The following DCHS2 variants were observed in gnomAD, a reference collection of about 807,000 sequenced individuals.
DCHS2 encodes protocadherin-23.
Under a neutral mutation model 182.4 loss-of-function variants are expected in DCHS2, and 142 were observed. That is an observed-to-expected ratio of 0.78 (90% confidence interval 0.68 to 0.89). DCHS2 has a LOEUF of 0.89. DCHS2 is among the 40% of genes least tolerant of loss of function. The probability of loss-of-function intolerance (pLI) is 0.00; values close to 1 mark genes in which losing one functional copy is unlikely to be tolerated. For synonymous variants in DCHS2, 1,740 were observed against 1,663.3 expected (o/e 1.05, Z -1.12); for missense variants, 4,319 against 4,198.6 (o/e 1.03, Z -0.79).
chr4:154,346,026 C>T (rs1227013656), intron 3 of DCHS2, among the ~76,000 whole-genome samples: 2 of 152,196 alleles, frequency 1.3e-5, no homozygotes, highest in Admixed American at 6.5e-5. Context: ...TTCTTGTATA[C>T]TCACATGGCA....
intron 2 of DCHS2, among the ~76,000 whole-genome samples, chr4:154,376,241 T>C (rs1730886109): frequency 6.6e-6 from 1 of 152,222 alleles, no homozygotes; most frequent in East Asian, 1.9e-4. Context: ...ATTTTATATG[T>C]CAATTAAAAA....
chr4:154,256,465 C>G (rs181985149), intron 15 of DCHS2, among the ~76,000 whole-genome samples: 1 of 152,184 alleles, frequency 6.6e-6, no homozygotes, highest in Admixed American at 6.5e-5. Flanking sequence ...GATCATTAAA[C>G]AAGTGAAACA....
intron 1 of DCHS2, among the ~76,000 whole-genome samples, chr4:154,430,233 C>A (rs1342391708): frequency 6.6e-6 from 1 of 152,182 alleles, no homozygotes; most frequent in Non-Finnish European, 1.5e-5. Context: ...TCATAAAATG[C>A]TCTTTTTTCA....
intron 2 of DCHS2, among the ~76,000 whole-genome samples, chr4:154,367,282 A>T (rs906355225): frequency 1.3e-5 from 2 of 152,130 alleles, no homozygotes; most frequent in Non-Finnish European, 2.9e-5. Flanking sequence ...TTCAGAACAG[A>T]CCGAAGAGCA....
At chr4:154,385,869 T>C (rs1731389857) in intron 1 of DCHS2, among the ~76,000 whole-genome samples, 1 of 152,024 alleles carries the variant, frequency 6.6e-6, no homozygotes, top group Admixed American at 6.6e-5. Flanking sequence ...ACTCCCTGAG[T>C]GGTCTGACCA....
chr4:154,466,444 C>T (rs1735242767), intron 1 of DCHS2, among the ~76,000 whole-genome samples: 2 of 152,154 alleles, frequency 1.3e-5, no homozygotes, highest in Admixed American at 1.3e-4. Flanking sequence ...CCTAAAGAAC[C>T]CATCACTTTA....
Position 154,332,994 on chromosome 4 carries a change from C to A in DCHS2, c.3214G>T (p.Val1072Phe), listed in dbSNP as rs74422312. Residue 1072 changes from valine to phenylalanine, a missense_variant, in exon 5 of 20, where the codon GTT (valine) becomes TTT (phenylalanine). Transcript: ENST00000357232. ...GGGCTGTGTTCGCGTTTCTCGATAA[C>A]GACTGTCAGCACCAGCAGGGCTGCC... The part of the protein sequence containing the change: ...PQAALLVLTV[V>F]IEKREHSPSW... 336 of 1,614,172 alleles carry A rather than the reference C, an allele frequency of 2.1e-4. 1 individual carries two copies. In the African/African-American group the frequency reaches 4.0e-3, roughly 19 times the overall value.
At chr4:154,446,230 C>A (rs1253054592) in intron 1 of DCHS2, among the ~76,000 whole-genome samples, 1 of 152,100 alleles carries the variant, frequency 6.6e-6, no homozygotes, top group Non-Finnish European at 1.5e-5. Flanking sequence ...AAAGAGGTTG[C>A]CTTTAAGGCT....
chr4:154,479,234 G>A (rs1735816709), intron 1 of DCHS2, among the ~76,000 whole-genome samples: 1 of 152,012 alleles, frequency 6.6e-6, no homozygotes, highest in Non-Finnish European at 1.5e-5. Context: ...ACATGACAGT[G>A]AATTTGAAAA....
intron 1 of DCHS2, among the ~76,000 whole-genome samples, chr4:154,422,910 C>G (rs1389718150): frequency 1.3e-5 from 2 of 152,204 alleles, no homozygotes; most frequent in African/African-American, 4.8e-5. Flanking sequence ...AAGAAACCTG[C>G]CTGTCCAGGC....
At chr4:154,347,596 C>T (rs1729418553) in intron 3 of DCHS2, among the ~76,000 whole-genome samples, 1 of 151,788 alleles carries the variant, frequency 6.6e-6, no homozygotes, top group East Asian at 1.9e-4. Flanking sequence ...CTGACATATA[C>T]TGACTCCTTA....
intron 5 of DCHS2, 92 bp from the exon 6 acceptor site, chr4:154,329,802 C>T: frequency 1.6e-6 from 2 of 1,219,830 alleles, no homozygotes; most frequent in Non-Finnish European, 2.3e-6. Context: ...AAGTACAAAG[C>T]TTTGAGCAAA....
chr4:154,254,312 C>T (rs1732538172), intron 16 of DCHS2, among the ~76,000 whole-genome samples: 1 of 152,146 alleles, frequency 6.6e-6, no homozygotes, highest in Non-Finnish European at 1.5e-5. Flanking sequence ...CAGAAGCATT[C>T]TCAATATGCG....
intron 1 of DCHS2, among the ~76,000 whole-genome samples, chr4:154,407,613 G>T (rs1732455453): frequency 6.6e-6 from 1 of 152,154 alleles, no homozygotes; most frequent in Admixed American, 6.5e-5. Context: ...AGTCCTGGTT[G>T]CTTTCTGTCA....
chr4:154,322,771 T>C (rs1414680011), intron 7 of DCHS2: 2 of 323,910 alleles, frequency 6.2e-6, no homozygotes, highest in Non-Finnish European at 1.1e-5. Flanking sequence ...TTATTTCATC[T>C]ATTCCCCATG....
At chr4:154,262,360 TA>T (rs748426384) in intron 14 of DCHS2, among the ~76,000 whole-genome samples, 7 of 152,212 alleles carry the variant, frequency 4.6e-5, no homozygotes, top group Non-Finnish European at 8.8e-5. Flanking sequence ...TTTCCTTGGA[TA>T]ATACATGGGT....
At chr4:154,280,438 C>G (rs1156618643) in intron 13 of DCHS2, among the ~76,000 whole-genome samples, 1 of 152,042 alleles carries the variant, frequency 6.6e-6, no homozygotes, top group Non-Finnish European at 1.5e-5. Flanking sequence ...TTCTTCAGAC[C>G]AATCTCCCTG....
intron 5 of DCHS2, 139 bp downstream of exon 5, chr4:154,332,339 C>T: frequency 1.6e-6 from 1 of 641,722 alleles, no homozygotes; most frequent in Admixed American, 3.1e-5. Context: ...TGCATGTATG[C>T]ACTAATGCTA....
chr4:154,378,520 A>AAGGAAGGAAG (rs1579025517), intron 1 of DCHS2, among the ~76,000 whole-genome samples: 9 of 64,094 alleles, frequency 1.4e-4, no homozygotes, highest in Non-Finnish European at 2.6e-4. Flanking sequence ...AAGGAAGGAA[A>AAGGAAGGAAG]GAAGGAAGGA....
Sources: gnomAD v4.1 joint callset for allele counts (sites outside exome capture counted in the v4.1 genomes callset) on GRCh38, gnomAD v4.1.1 for gene constraint, MANE v1.5 for transcripts, NCBI Gene and HGNC (gene_info 2026-07-23, HGNC 2026-07-21) for gene names.